PPP2R2C: variants seen among roughly 807,000 people sequenced by gnomAD.
PPP2R2C encodes the protein protein phosphatase 2, regulatory subunit B, gamma.
In PPP2R2C, 10 loss-of-function variants were observed where a neutral mutation model predicts 45.3. The observed-to-expected ratio is 0.22, with a 90% CI of 0.14 to 0.37. The LOEUF (loss-of-function observed/expected upper bound fraction) is 0.37, where lower values mean the gene tolerates loss of function less well. PPP2R2C is among the 10% of genes least tolerant of loss of function. PPP2R2C has a pLI of 1.00. For synonymous variants in PPP2R2C, 257 were observed against 245.4 expected, an observed-to-expected ratio of 1.05 and a Z score of -0.44; for missense variants, 308 against 619.7, an observed-to-expected ratio of 0.50 and a Z score of 5.34.
At chr4:6,561,509 C>G (rs943360729) in intron 1 of PPP2R2C, among the ~76,000 whole-genome samples, 1 of 152,110 alleles carries the variant, frequency 6.6e-6, no homozygotes, top group African/African-American at 2.4e-5. Flanking sequence ...ACCTTTTACT[C>G]CAACTATTTC....
intron 1 of PPP2R2C, among the ~76,000 whole-genome samples, chr4:6,389,876 G>T (rs1056477964): frequency 1.3e-5 from 2 of 152,162 alleles, no homozygotes; most frequent in African/African-American, 4.8e-5. Context: ...GATTCCAGCG[G>T]TCTGCCTCCT....
intron 2 of PPP2R2C, among the ~76,000 whole-genome samples, chr4:6,497,341 G>T (rs963482385): frequency 6.6e-6 from 1 of 152,074 alleles, no homozygotes; most frequent in Admixed American, 6.5e-5. Context: ...AGACAAACAG[G>T]CCCACAGAAC....
intron 2 of PPP2R2C, among the ~76,000 whole-genome samples, chr4:6,514,881 G>A (rs74857902): frequency 0.061 from 9,317 of 152,232 alleles, 485 homozygotes; most frequent in African/African-American, 0.15. Flanking sequence ...GGTGTTGCCT[G>A]CAAGCCTGGG....
At chr4:6,388,303 G>A (rs1327473235) in intron 1 of PPP2R2C, among the ~76,000 whole-genome samples, 1 of 152,200 alleles carries the variant, frequency 6.6e-6, no homozygotes, top group East Asian at 1.9e-4. Context: ...GGTATCCCTA[G>A]TGACCCGCCC....
Position 6,409,458 on chromosome 4 carries a change from C to T in PPP2R2C, c.71-28364G>A, listed in dbSNP as rs1024738202. 9.2e-5 allele frequency among the ~76,000 whole-genome samples: 14 copies of T among 152,148 alleles called. No homozygotes were observed. The East Asian group carries it at 1.7e-3, about 19-fold the overall frequency. On this transcript the variant is annotated intron_variant, in intron 1 of 8. Coordinates refer to ENST00000382599, the MANE Select transcript of PPP2R2C (RefSeq NM_020416.4). ...GCCCACCAGCATGGAGCGGAGGAAC[C>T]GAGAACCCCACGCCCCAAATAACAG...
chr4:6,358,042 A>G (rs1195674946), intron 5 of PPP2R2C, among the ~76,000 whole-genome samples: 8 of 152,356 alleles, frequency 5.3e-5, no homozygotes, highest in Middle Eastern at 6.8e-3. Context: ...AATCCTAAGC[A>G]AAAGAACAAA....
chr4:6,513,745 G>C (rs1191951279), intron 2 of PPP2R2C, among the ~76,000 whole-genome samples: 6 of 152,152 alleles, frequency 3.9e-5, no homozygotes, highest in Non-Finnish European at 1.5e-5. Flanking sequence ...CCCATGAAAA[G>C]GGCGTGCACT....
At chr4:6,388,672 C>G (rs1214846444) in intron 1 of PPP2R2C, among the ~76,000 whole-genome samples, 1 of 152,064 alleles carries the variant, frequency 6.6e-6, no homozygotes, top group African/African-American at 2.4e-5. Flanking sequence ...GGGGCCGAGC[C>G]GGGCCTCCCA....
chr4:6,442,943 C>G (rs1211198301), intron 1 of PPP2R2C, among the ~76,000 whole-genome samples: 1 of 152,226 alleles, frequency 6.6e-6, no homozygotes, highest in Non-Finnish European at 1.5e-5. Flanking sequence ...CCATTCCCCC[C>G]ATCACAGCTA....
intron 2 of PPP2R2C, among the ~76,000 whole-genome samples, chr4:6,524,181 C>T (rs2108816209): frequency 6.6e-6 from 1 of 152,238 alleles, no homozygotes; most frequent in East Asian, 1.9e-4. Context: ...CTCAGCCTCC[C>T]AAAGTGCCGG....
At chr4:6,425,025 T>C (rs552942892) in intron 1 of PPP2R2C, among the ~76,000 whole-genome samples, 1 of 152,306 alleles carries the variant, frequency 6.6e-6, no homozygotes, top group African/African-American at 2.4e-5. Context: ...CTGAGTGGTG[T>C]GGGCAAAGAG....
At chr4:6,382,620 CGT>C (rs1715886027) in intron 1 of PPP2R2C, 2 of 684,860 alleles carry the variant, frequency 2.9e-6, no homozygotes, top group Non-Finnish European at 2.0e-6. Context: ...TGGAGTTTCT[CGT>C]TCTCTCTCTC....
At chr4:6,413,413 G>A (rs1032669383) in intron 1 of PPP2R2C, among the ~76,000 whole-genome samples, 7 of 152,198 alleles carry the variant, frequency 4.6e-5, no homozygotes, top group Non-Finnish European at 1.5e-5. Context: ...AGCTACTCAG[G>A]GTCAAAGCTA....
chr4:6,522,673 G>A (rs1482507309), intron 2 of PPP2R2C, among the ~76,000 whole-genome samples: 4 of 152,270 alleles, frequency 2.6e-5, no homozygotes, highest in African/African-American at 9.6e-5. Flanking sequence ...AGTGGCCACA[G>A]GGCACGGAGG....
Position 6,347,607 on chromosome 4 carries a change from C to A in PPP2R2C, c.790+239G>T, listed in dbSNP as rs528764579. Among the ~76,000 whole-genome samples the A allele has an allele frequency of 4.6e-5, 7 of 152,228 alleles. No homozygotes were observed. The South Asian group carries it at 1.2e-3, about 27-fold the overall frequency. On this transcript the variant is annotated intron_variant, in intron 6 of 8. Transcript: ENST00000382599. ...GATGCCCTGACCCTCGCCCTAGAGCCCTGAACCCTAAAAGCTGGGCTGTTC... is the reference window on the plus strand; with the variant it reads ...GATGCCCTGACCCTCGCCCTAGAGCACTGAACCCTAAAAGCTGGGCTGTTC...
intron 5 of PPP2R2C, among the ~76,000 whole-genome samples, chr4:6,370,354 T>A (rs1030592614): frequency 5.9e-5 from 9 of 152,190 alleles, no homozygotes; most frequent in African/African-American, 2.2e-4. Flanking sequence ...TTGTAAACTG[T>A]ACGGTACGGT....
chr4:6,381,648 G>A, intron 1 of PPP2R2C: 2 of 1,501,226 alleles, frequency 1.3e-6, no homozygotes, highest in Non-Finnish European at 1.8e-6. Flanking sequence ...AGGCCTCTGG[G>A]ATCGCTCTCT....
rs1263681621 is a variant in PPP2R2C at position 6,321,616 on chromosome 4, G to T, written c.*1686C>A. 1 of 152,250 alleles carries T rather than the reference G, an allele frequency of 6.6e-6. No individual in the cohort carries two copies. The highest frequency in any genetic ancestry group is 6.5e-5 in the Admixed American group (1 of 15,278). 9.4% of individuals were successfully genotyped at this position (152,250 alleles called of 1,614,324 possible). A position where few individuals can be genotyped will look rare whatever the true frequency, so the allele number is the denominator to read the frequency against. ...ATCCACTGAGAATAACCTCAGCTGG[G>T]TCTGTTTCCTGGGTTATGTTATATC... is the stretch of plus-strand genomic sequence containing the variant. On this transcript the variant is annotated 3_prime_UTR_variant, in exon 9 of 9. Transcript: ENST00000382599.
intron 2 of PPP2R2C, among the ~76,000 whole-genome samples, chr4:6,499,984 T>A (rs1026376108): frequency 1.3e-5 from 2 of 152,156 alleles, no homozygotes; most frequent in Non-Finnish European, 2.9e-5. Flanking sequence ...TATTTGTTGA[T>A]CCATGTATTT....
Sources: allele counts gnomAD v4.1 joint callset (sites outside exome capture counted in the v4.1 genomes callset), GRCh38; gene constraint gnomAD v4.1.1; transcripts MANE v1.5; gene names NCBI Gene and HGNC (gene_info 2026-07-23, HGNC 2026-07-21).